Variants in PRRC2B observed in about 807,000 individuals in gnomAD.
PRRC2B encodes the protein proline rich coiled-coil 2B, also known as protein PRRC2B.
Under a neutral mutation model 242.3 loss-of-function variants are expected in PRRC2B, and 68 were observed. That is an observed-to-expected ratio of 0.28 (90% confidence interval 0.23 to 0.34). PRRC2B has a LOEUF of 0.34. Ranked by LOEUF, PRRC2B falls within the 10% of genes least tolerant of loss-of-function variation. The pLI, the probability that PRRC2B is intolerant of heterozygous loss-of-function variation, is 1.00. For missense variants in PRRC2B, 2,835 were observed against 2,954.8 expected (o/e 0.96, Z 0.94); for synonymous variants, 1,228 against 1,173.6 (o/e 1.05, Z -0.95).
chr9:131,420,499 T>TCTTTCTTTCTTTCCTTTCTTTCTTTC (rs889470295), intron 1 of PRRC2B, among the ~76,000 whole-genome samples: 3 of 84,546 alleles, frequency 3.5e-5, no homozygotes, highest in African/African-American at 8.9e-5. Flanking sequence ...CTTTCTTTTT[T>TCTTTCTTTCTTTCCTTTCTTTCTTTC]TTTTTTTTTT....
At chr9:131,493,869 CT>C (rs111931413) in intron 30 of PRRC2B, among the ~76,000 whole-genome samples, 3,607 of 150,128 alleles carry the variant, frequency 0.024, 123 homozygotes, top group African/African-American at 0.076. Context: ...TGACCGCAGA[CT>C]TTTTTTTTTT....
In PRRC2B at chr9:131,482,946, T is replaced by C. The variant is rs1433370771; in HGVS notation, c.5373+39T>C. 10 of 1,563,608 alleles carry C rather than the reference T, an allele frequency of 6.4e-6. No homozygotes were observed. The highest frequency in any genetic ancestry group is 1.2e-5 in the South Asian group (1 of 85,040). ...TTGTTTTCTTGCTTGCTTTTTTTAC[T>C]TTTTATTTTGGTACTTGGAGAGGCT... On this transcript the variant is annotated intron_variant, in intron 22 of 31. Coordinates refer to ENST00000683519, the MANE Select transcript of PRRC2B (RefSeq NM_013318.4). This position sits in a 1 kb window ranked among gnomAD's most constrained non-coding sequence, Gnocchi z 5.2.
chr9:131,387,926 C>T (rs1836845630), intron 1 of PRRC2B, among the ~76,000 whole-genome samples: 1 of 150,834 alleles, frequency 6.6e-6, no homozygotes, highest in South Asian at 2.1e-4. Flanking sequence ...TGCAGTGGCC[C>T]ATGCCTGTAA....
intron 10 of PRRC2B, among the ~76,000 whole-genome samples, chr9:131,456,537 A>G (rs1264932077): frequency 2.0e-5 from 3 of 152,014 alleles, no homozygotes; most frequent in African/African-American, 4.8e-5. Context: ...AGGCTGAGGC[A>G]GGAGAATGGC....
In PRRC2B at chr9:131,465,062, C is replaced by A; in HGVS notation, c.1704C>A (p.Gly568=). Reference sequence around the variant, plus strand: ...AGAAGGCATCTCCCCAGGAAAACGGCCCTGCTGTCCACAAAGGTAAGAGCT... The same window carrying A: ...AGAAGGCATCTCCCCAGGAAAACGGACCTGCTGTCCACAAAGGTAAGAGCT... The part of the protein sequence containing the change: ...SAEKASPQEN[G]PAVHKGSPEF... Residue 568 remains glycine (G), a synonymous_variant, in exon 12 of 32, where the codon GGC becomes GGA. Coordinates refer to ENST00000683519, the MANE Select transcript of PRRC2B (RefSeq NM_013318.4). 1 of 1,613,068 alleles carries A rather than the reference C, an allele frequency of 6.2e-7. No individual in the cohort carries two copies. Among genetic ancestry groups the A allele is most frequent in the Non-Finnish European group, 8.5e-7 (1 of 1,179,270 alleles).
intron 16 of PRRC2B, among the ~76,000 whole-genome samples, chr9:131,477,446 A>G (rs1471480223): frequency 6.6e-6 from 1 of 152,140 alleles, no homozygotes; most frequent in Non-Finnish European, 1.5e-5. Flanking sequence ...TGGCGTCTCC[A>G]TTCTGAGCAT....
rs71372731 is a variant in PRRC2B, at chr9:131,430,518, G to GATATATATCTATAGATATCT, written c.115+262_115+263insTATATCTATAGATATCTATA. ...ATATATCTATAGATATCTATAGATA[G>GATATATATCTATAGATATCT]ATAGATAGATATCTATCTATAGATA... On this transcript the variant is annotated intron_variant, in intron 2 of 31. Transcript: ENST00000683519. 4.8e-4 allele frequency among the ~76,000 whole-genome samples: 10 copies of GATATATATCTATAGATATCT among 20,698 alleles called. No individual in the cohort carries two copies. In the East Asian group the frequency reaches 0.019, roughly 39 times the overall value. 13.6% of individuals were successfully genotyped at this position (20,698 alleles called of 152,430 possible). A position where few individuals can be genotyped will look rare whatever the true frequency, so the allele number is the denominator to read the frequency against.
intron 1 of PRRC2B, among the ~76,000 whole-genome samples, chr9:131,382,188 T>C (rs1413325653): frequency 6.6e-6 from 1 of 152,110 alleles, no homozygotes; most frequent in Non-Finnish European, 1.5e-5. Flanking sequence ...GGCTAAGTTT[T>C]GTATTTTCAG....
chr9:131,460,646 A>C (rs921905483), intron 11 of PRRC2B, among the ~76,000 whole-genome samples: 4 of 152,134 alleles, frequency 2.6e-5, no homozygotes, highest in African/African-American at 9.7e-5. Flanking sequence ...GTTTTTGATC[A>C]AGCTTTTAGT....
intron 1 of PRRC2B, among the ~76,000 whole-genome samples, chr9:131,406,916 C>G (rs1837379148): frequency 6.6e-6 from 1 of 152,242 alleles, no homozygotes; most frequent in African/African-American, 2.4e-5. Flanking sequence ...GGACTGCTGT[C>G]TTAACCAGTT....
chr9:131,483,062 C>T (rs1943916236), intron 22 of PRRC2B, among the ~76,000 whole-genome samples, 155 bp downstream of exon 22: 1 of 152,174 alleles, frequency 6.6e-6, no homozygotes, highest in South Asian at 2.1e-4. Context: ...TGGAGTCCTG[C>T]ACATGGCCAG....
At chr9:131,433,017 C>T (rs924674290) in intron 3 of PRRC2B, among the ~76,000 whole-genome samples, 9 of 152,188 alleles carry the variant, frequency 5.9e-5, no homozygotes, top group Admixed American at 3.9e-4. Context: ...CTTTTAGAGC[C>T]GATGGAGCAG....
intron 24 of PRRC2B, 67 bp downstream of exon 24, chr9:131,484,857 G>C (rs990033952): frequency 1.3e-6 from 2 of 1,562,406 alleles, no homozygotes; most frequent in Non-Finnish European, 1.7e-6. Flanking sequence ...GCAGAAGGGA[G>C]GAGTCCCCGA....
intron 23 of PRRC2B, 56 bp from the exon 24 acceptor site, chr9:131,484,630 G>C: frequency 6.9e-7 from 1 of 1,450,180 alleles, no homozygotes; most frequent in Non-Finnish European, 9.4e-7. Flanking sequence ...ATGGGTTTGG[G>C]CAAAGCCATC....
At chr9:131,412,785 T>TTC (rs199987337) in intron 1 of PRRC2B, among the ~76,000 whole-genome samples, 3,756 of 123,342 alleles carry the variant, frequency 0.03, 127 homozygotes, top group African/African-American at 0.075. Context: ...AATCAAAGCA[T>TTC]TCTCTCTCTC....
chr9:131,377,163 G>A (rs1054658957), intron 1 of PRRC2B, among the ~76,000 whole-genome samples: 10 of 151,772 alleles, frequency 6.6e-5, no homozygotes, highest in East Asian at 5.8e-4. Flanking sequence ...TCACCAGGCC[G>A]GAGTGCAGTG....
At position 131,455,082 on chromosome 9, in the gene PRRC2B, A is replaced by G. The variant is rs774688865; in HGVS notation, c.1127A>G (p.His376Arg). Reference sequence around the variant, plus strand: ...GGCCCTCCTGCTGTTGTAGGCCTCCATGAAGAAGTGGACTATTCTGAGAAA... The same window carrying G: ...GGCCCTCCTGCTGTTGTAGGCCTCCGTGAAGAAGTGGACTATTCTGAGAAA... Reference protein sequence around the residue: ...ADADDGWAGLHEEVDYSEKLK... With the variant: ...ADADDGWAGLREEVDYSEKLK... The change falls in exon 10 of 32, where the codon CAT becomes CGT. Residue 376 changes from histidine (H) to arginine (R), a missense_variant. Around this residue, in one of 7 missense-constraint regions of PRRC2B, gnomAD observed 626 missense variants for 685.5 expected, o/e 0.91. Transcript: ENST00000683519. 7.4e-6 allele frequency: 12 copies of G among 1,613,160 alleles called. No homozygotes were observed. The highest frequency in any genetic ancestry group is 3.3e-5 in the South Asian group (3 of 90,902).
rs879019494 is a variant in PRRC2B at position 131,485,117 on chromosome 9, T to C, written c.5735T>C (p.Val1912Ala). The change falls in exon 25 of 32, where the codon GTA (valine) becomes GCA (alanine). Residue 1912 changes from valine to alanine, a missense_variant. Val to Ala is a moderately conservative substitution (Grantham distance 64, BLOSUM62 0). Transcript: ENST00000683519. ...VSMPPMPVAS[V>A]APSASMPGSH... ...ATGCCACCCATGCCTGTGGCCTCTG[T>C]AGCACCTTCTGCTTCTATGCCAGGT... 3.8e-6 allele frequency: 6 copies of C among 1,594,792 alleles called. 1 individual carries two copies. The highest frequency in any genetic ancestry group is 1.7e-4 in the Middle Eastern group (1 of 6,042).
At chr9:131,407,434 C>CGTTCTGAA (rs149612310) in intron 1 of PRRC2B, among the ~76,000 whole-genome samples, 1,530 of 152,220 alleles carry the variant, frequency 0.01, 23 homozygotes, top group Non-Finnish European at 0.013. Flanking sequence ...CTTTTCCCAC[C>CGTTCTGAA]GTTCTGAAGT....
Sources: gnomAD v4.1 joint callset for allele counts (sites outside exome capture counted in the v4.1 genomes callset) on GRCh38, gnomAD v4.1.1 for gene constraint, gnomAD v4.1.1 regional missense constraint, Gnocchi (gnomAD v3.1) non-coding constraint, MANE v1.5 for transcripts, NCBI Gene and HGNC (gene_info 2026-07-23, HGNC 2026-07-21) for gene names.